MERTK: variants seen among roughly 807,000 people sequenced by gnomAD.
MERTK encodes the protein MER proto-oncogene, tyrosine kinase.
MERTK carries 69 observed loss-of-function variants against 99.3 expected under a neutral mutation model. The observed-to-expected ratio is 0.70, with a 90% CI of 0.57 to 0.85. The LOEUF is 0.85. MERTK is among the 40% of genes least tolerant of loss of function. The pLI, the probability that MERTK is intolerant of heterozygous loss-of-function variation, is 0.00. For synonymous variants in MERTK, 426 were observed against 467.6 expected (o/e 0.91, Z 1.15); for missense variants, 1,125 against 1,249.4 (o/e 0.90, Z 1.50).
At chr2:111,935,966 G>T (rs1446218300) in intron 2 of MERTK, among the ~76,000 whole-genome samples, 1 of 151,762 alleles carries the variant, frequency 6.6e-6, no homozygotes, top group African/African-American at 2.4e-5. Flanking sequence ...ACCCAGGCTG[G>T]AGTGCAGTGG....
chr2:111,947,284 C>CCCCAAAAA, intron 3 of MERTK, 110 bp from the exon 4 acceptor site: 8 of 710,894 alleles, frequency 1.1e-5, no homozygotes, highest in Non-Finnish European at 1.4e-5. Context: ...ACCCGCCCCC[C>CCCCAAAAA]ACAAAAAAAG....
chr2:111,908,477 C>T (rs908706690), intron 1 of MERTK, among the ~76,000 whole-genome samples: 2 of 152,200 alleles, frequency 1.3e-5, no homozygotes, highest in Admixed American at 1.3e-4. Flanking sequence ...CATCCCCTCA[C>T]TCCCACCCAG....
At chr2:111,961,344 G>A (rs1573602581) in intron 4 of MERTK, among the ~76,000 whole-genome samples, 1 of 151,532 alleles carries the variant, frequency 6.6e-6, no homozygotes, top group Non-Finnish European at 1.5e-5. Flanking sequence ...TGTATTTTTA[G>A]TAGAGACAGC....
rs200120223 is a variant in MERTK at position 111,929,265 on chromosome 2, G to C, written c.207G>C (p.Gln69His). The part of the protein sequence containing the change: ...YQPALMFSPT[Q>H]PGRPHTGNVA... ...CTGCCTTGATGTTTTCACCAACCCA[G>C]CCTGGAAGACCACATACAGGAAACG... is the stretch of plus-strand genomic sequence containing the variant. The change falls in exon 2 of 19, where the codon CAG becomes CAC. Residue 69 changes from glutamine (Q) to histidine (H), a missense_variant. Gln to His is a conservative substitution (Grantham distance 24). Coordinates refer to ENST00000295408, the MANE Select transcript of MERTK (RefSeq NM_006343.3). 3.4e-5 allele frequency: 55 copies of C among 1,614,192 alleles called. No individual in the cohort carries two copies. Among genetic ancestry groups the C allele is most frequent in the Admixed American group, 1.8e-4 (11 of 60,026 alleles).
At chr2:111,918,362 C>T (rs1259617193) in intron 1 of MERTK, among the ~76,000 whole-genome samples, 1 of 152,156 alleles carries the variant, frequency 6.6e-6, no homozygotes, top group Non-Finnish European at 1.5e-5. Context: ...TAGTAATTTA[C>T]GTACTGGTAG....
intron 2 of MERTK, among the ~76,000 whole-genome samples, chr2:111,941,873 A>G (rs1297135688): frequency 2.0e-5 from 3 of 151,870 alleles, no homozygotes; most frequent in Non-Finnish European, 4.4e-5. Context: ...CTCCTTTTCT[A>G]TTTCTGGTGT....
At chr2:112,013,085 G>C (rs1168961321) in intron 15 of MERTK, among the ~76,000 whole-genome samples, 3 of 151,830 alleles carry the variant, frequency 2.0e-5, no homozygotes, top group Non-Finnish European at 4.4e-5. Flanking sequence ...AAGTGATCAG[G>C]ACAGGAGAGT....
intron 16 of MERTK, chr2:112,020,596 T>A (rs1558810340): frequency 4.2e-6 from 2 of 471,096 alleles, no homozygotes; most frequent in Non-Finnish European, 8.8e-6. Context: ...CTCATTTAAT[T>A]CCTCAAGCAC....
At chr2:111,960,480 CA>C (rs61179378) in intron 4 of MERTK, among the ~76,000 whole-genome samples, 25,865 of 76,032 alleles carry the variant, frequency 0.34, 1,917 homozygotes, top group South Asian at 0.4. Flanking sequence ...GTCTCAGTCT[CA>C]AAAAAAAAAA....
intron 1 of MERTK, among the ~76,000 whole-genome samples, chr2:111,913,228 A>T (rs1045065245): frequency 6.6e-6 from 1 of 152,172 alleles, no homozygotes; most frequent in African/African-American, 2.4e-5. Flanking sequence ...ATTTGGGGAG[A>T]ATTGATATTT....
chr2:111,965,074 A>G (rs1685334522), intron 4 of MERTK, 117 bp from the exon 5 acceptor site: 2 of 976,986 alleles, frequency 2.0e-6, no homozygotes, highest in Non-Finnish European at 3.1e-6. Context: ...TTAACTTTGC[A>G]CTAATGCCCA....
intron 1 of MERTK, among the ~76,000 whole-genome samples, chr2:111,916,351 A>G (rs570163925): frequency 6.6e-6 from 1 of 152,286 alleles, no homozygotes; most frequent in East Asian, 1.9e-4. Flanking sequence ...CTTCAGTGAT[A>G]CGGATTTTAG....
rs781297101 is a variant in MERTK, at chr2:111,929,223, C to G, written c.165C>G (p.His55Gln). The change falls in exon 2 of 19, where the codon CAC (histidine) becomes CAG (glutamine). Residue 55 changes from histidine to glutamine, a missense_variant. By Grantham distance (24) the His-to-Gln change is conservative. Coordinates refer to ENST00000295408, the MANE Select transcript of MERTK (RefSeq NM_006343.3). ...ACACACCGCTGTTATCCCTTCCTCACGCCAGTGGGTACCAGCCTGCCTTGA... is the reference window on the plus strand; with the variant it reads ...ACACACCGCTGTTATCCCTTCCTCAGGCCAGTGGGTACCAGCCTGCCTTGA... ...TDHTPLLSLP[H>Q]ASGYQPALMF... The G allele has an allele frequency of 6.2e-7, 1 of 1,614,196 alleles. No individual in the cohort carries two copies. The highest frequency in any genetic ancestry group is 8.5e-7 in the Non-Finnish European group (1 of 1,180,028).
At chr2:112,028,290 T>C in intron 18 of MERTK, 61 bp from the exon 19 acceptor site, 1 of 1,515,112 alleles carries the variant, frequency 6.6e-7, no homozygotes, top group Non-Finnish European at 9.2e-7. Flanking sequence ...AACAAAGGCA[T>C]GGATTGCACA....
chr2:111,970,774 C>G (rs564640070), intron 6 of MERTK, among the ~76,000 whole-genome samples: 68 of 39,172 alleles, frequency 1.7e-3, no homozygotes, highest in South Asian at 0.011. Flanking sequence ...CCTCCTCCCT[C>G]CTCCTCCTCC....
intron 8 of MERTK, among the ~76,000 whole-genome samples, chr2:111,993,763 A>G (rs1384726294): frequency 6.6e-6 from 1 of 152,204 alleles, no homozygotes; most frequent in Non-Finnish European, 1.5e-5. Context: ...TGAAAGAAAA[A>G]AAAAAGTGTC....
intron 17 of MERTK, among the ~76,000 whole-genome samples, chr2:112,022,025 C>T (rs1157007951): frequency 2.6e-5 from 4 of 152,156 alleles, no homozygotes; most frequent in East Asian, 1.9e-4. Flanking sequence ...AGATGTGTGA[C>T]GAGGCTGTTT....
At chr2:112,013,040 C>G (rs375458414) in intron 15 of MERTK, among the ~76,000 whole-genome samples, 1 of 152,096 alleles carries the variant, frequency 6.6e-6, no homozygotes, top group East Asian at 1.9e-4. Context: ...TTTTTTTCCC[C>G]CTTTTACTCT....
intron 6 of MERTK, among the ~76,000 whole-genome samples, 172 bp from the exon 7 acceptor site, chr2:111,975,117 A>C (rs1490956840): frequency 6.6e-6 from 1 of 152,220 alleles, no homozygotes; most frequent in Non-Finnish European, 1.5e-5. Context: ...GTCCGAGGGC[A>C]TGAGTAACAC....
Sources: allele counts gnomAD v4.1 joint callset (sites outside exome capture counted in the v4.1 genomes callset), GRCh38; gene constraint gnomAD v4.1.1; transcripts MANE v1.5; gene names NCBI Gene and HGNC (gene_info 2026-07-23, HGNC 2026-07-21).